The following CDC42EP3 variants were observed in gnomAD, a reference collection of about 807,000 sequenced individuals.
CDC42EP3 encodes CDC42 effector protein 3.
CDC42EP3 carries 4 observed loss-of-function variants against 15.5 expected under a neutral mutation model. The ratio of observed to expected loss-of-function variants is 0.26; its 90% confidence interval spans 0.13 to 0.59. CDC42EP3 has a LOEUF of 0.59. Among genes scored for constraint, CDC42EP3 ranks in the 20% least tolerant of loss-of-function variants. The pLI, the probability that CDC42EP3 is intolerant of heterozygous loss-of-function variation, is 0.89. For synonymous variants in CDC42EP3, 145 were observed against 130.3 expected (o/e 1.11, Z -0.77); for missense variants, 309 against 311.2 (o/e 0.99, Z 0.05).
intron 1 of CDC42EP3, among the ~76,000 whole-genome samples, chr2:37,650,016 A>C (rs1665614171): frequency 6.6e-6 from 1 of 151,482 alleles, no homozygotes; most frequent in South Asian, 2.1e-4. Flanking sequence ...ATTGAATCTG[A>C]ATTGCCAATC....
At chr2:37,647,850 A>T (rs1410332300) in intron 1 of CDC42EP3, among the ~76,000 whole-genome samples, 5 of 152,170 alleles carry the variant, frequency 3.3e-5, no homozygotes, top group Non-Finnish European at 7.3e-5. Flanking sequence ...GGGCCTATGG[A>T]AATGAAATCT....
At chr2:37,662,752 A>C (rs1030168251) in intron 1 of CDC42EP3, among the ~76,000 whole-genome samples, 34 of 152,204 alleles carry the variant, frequency 2.2e-4, no homozygotes, top group African/African-American at 8.2e-4. Flanking sequence ...ACTCTTTAGG[A>C]AGACATTTCA....
intron 1 of CDC42EP3, among the ~76,000 whole-genome samples, chr2:37,658,004 C>T (rs1665934188): frequency 6.6e-6 from 1 of 152,210 alleles, no homozygotes; most frequent in African/African-American, 2.4e-5. Context: ...GTATGTTGCT[C>T]TCAAAGCCCA....
chr2:37,645,043 C>T lies in CDC42EP3; in HGVS notation c.*780G>A, dbSNP rs1665405798. On this transcript the variant is annotated 3_prime_UTR_variant, in exon 2 of 2. Transcript: ENST00000295324. ...ATGATAACAGATGAAGAAAAAAAAACTAAGTATGAATACACTTTTCCAAAC... is the reference window on the plus strand; with the variant it reads ...ATGATAACAGATGAAGAAAAAAAAATTAAGTATGAATACACTTTTCCAAAC... The T allele has an allele frequency of 6.6e-6, 1 of 151,972 alleles. No individual in the cohort carries two copies. Among genetic ancestry groups the T allele is most frequent in the South Asian group, 2.1e-4 (1 of 4,830 alleles). The allele number at this position is 151,972 out of a possible 1,614,324, so 9.4% of individuals were successfully genotyped here.
In CDC42EP3 at chr2:37,645,197, T is replaced by C. The variant is rs1665410816; in HGVS notation, c.*626A>G. ...TAAAAATATATTTTAACTTTAAAAA[T>C]AACTTAGTTACAGTAATACTTTGCC... On this transcript the variant is annotated 3_prime_UTR_variant, in exon 2 of 2. Coordinates refer to ENST00000295324, the MANE Select transcript of CDC42EP3 (RefSeq NM_006449.5). 6.6e-6 allele frequency: 1 copy of C among 152,620 alleles called. No homozygotes were observed. Among genetic ancestry groups the C allele is most frequent in the Non-Finnish European group, 1.5e-5 (1 of 68,040 alleles). 9.5% of individuals were successfully genotyped at this position (152,620 alleles called of 1,614,324 possible). A position where few individuals can be genotyped will look rare whatever the true frequency, so the allele number is the denominator to read the frequency against.
chr2:37,646,339 C>A lies in CDC42EP3; in HGVS notation c.249G>T (p.Glu83Asp). 1 of 1,614,038 alleles carries A rather than the reference C, an allele frequency of 6.2e-7. No individual in the cohort carries two copies. The highest frequency in any genetic ancestry group is 1.3e-5 in the African/African-American group (1 of 75,002). Residue 83 changes from glutamate to aspartate, a missense_variant, in exon 2 of 2, where the codon GAG (glutamate) becomes GAT (aspartate). Glu to Asp is a conservative substitution (Grantham distance 45, BLOSUM62 2). Transcript: ENST00000295324. Reference sequence around the variant, plus strand: ...CCGAGGTGCTGTTGGCCCGGAAGAACTCATTATGCCCAGGGAACTGGCCCA... The same window carrying A: ...CCGAGGTGCTGTTGGCCCGGAAGAAATCATTATGCCCAGGGAACTGGCCCA... Reference protein sequence around the residue: ...AHLGQFPGHNEFFRANSTSDS... With the variant: ...AHLGQFPGHNDFFRANSTSDS...
At chr2:37,663,833 A>G (rs1022238274) in intron 1 of CDC42EP3, among the ~76,000 whole-genome samples, 2 of 152,132 alleles carry the variant, frequency 1.3e-5, no homozygotes, top group Non-Finnish European at 2.9e-5. Context: ...CCCATCCTCA[A>G]TCTGGGTGGG....
chr2:37,643,230 C>T lies in CDC42EP3; in HGVS notation c.*2593G>A, dbSNP rs1167237438. ...ACAGGATGAGAACATCAATTCAGCTCACAGCAGGTATGGGTCTAAAGTGCC... is the reference window on the plus strand; with the variant it reads ...ACAGGATGAGAACATCAATTCAGCTTACAGCAGGTATGGGTCTAAAGTGCC... On this transcript the variant is annotated 3_prime_UTR_variant, in exon 2 of 2. Transcript: ENST00000295324. The T allele has an allele frequency of 6.6e-6, 1 of 152,132 alleles. No homozygotes were observed. Among genetic ancestry groups the T allele is most frequent in the Non-Finnish European group, 1.5e-5 (1 of 68,036 alleles). 9.4% of individuals were successfully genotyped at this position (152,132 alleles called of 1,614,324 possible).
At chr2:37,656,964 T>C (rs924394469) in intron 1 of CDC42EP3, among the ~76,000 whole-genome samples, 2 of 143,704 alleles carry the variant, frequency 1.4e-5, no homozygotes, top group Non-Finnish European at 3.0e-5. Context: ...AAGATTTGAA[T>C]TGTAAAGTAA....
intron 1 of CDC42EP3, among the ~76,000 whole-genome samples, chr2:37,670,523 C>G (rs1666377542): frequency 6.8e-6 from 1 of 147,836 alleles, no homozygotes; most frequent in Admixed American, 6.8e-5. Context: ...AATTACTTGA[C>G]TGTCAGCCTA....
In CDC42EP3 at chr2:37,646,482, C is replaced by T. The variant is rs753477882; in HGVS notation, c.106G>A (p.Gly36Arg). Residue 36 changes from glycine to arginine, a missense_variant, in exon 2 of 2, where the codon GGA becomes AGA. Gly to Arg is a moderately radical substitution (Grantham distance 125). Coordinates refer to ENST00000295324, the MANE Select transcript of CDC42EP3 (RefSeq NM_006449.5). ...ATGTGGATGGTGTGGCGAAAGTCTC[C>T]AAGCGGGGGACTGATCATATCAGGA... is the stretch of plus-strand genomic sequence containing the variant. ...LSPDMISPPL[G>R]DFRHTIHIGK... 6.2e-7 allele frequency: 1 copy of T among 1,614,072 alleles called. No homozygotes were observed. The highest frequency in any genetic ancestry group is 8.5e-7 in the Non-Finnish European group (1 of 1,179,966).
intron 1 of CDC42EP3, among the ~76,000 whole-genome samples, chr2:37,649,800 G>A (rs1665608283): frequency 6.6e-6 from 1 of 152,146 alleles, no homozygotes; most frequent in Non-Finnish European, 1.5e-5. Flanking sequence ...GTGGCATGGA[G>A]GCAAAGGTTG....
At chr2:37,660,889 AG>A (rs1201888875) in intron 1 of CDC42EP3, among the ~76,000 whole-genome samples, 2 of 152,138 alleles carry the variant, frequency 1.3e-5, no homozygotes, top group Non-Finnish European at 2.9e-5. Context: ...ACCCTGTCAA[AG>A]GGAAATGGAA....
chr2:37,651,971 A>T (rs916136081), intron 1 of CDC42EP3, among the ~76,000 whole-genome samples: 13 of 151,858 alleles, frequency 8.6e-5, no homozygotes, highest in Non-Finnish European at 1.6e-4. Flanking sequence ...ATCAGGAGAT[A>T]AAGACCATCC....
rs369773288 is a variant in CDC42EP3 at position 37,646,115 on chromosome 2, C to T, written c.473G>A (p.Ser158Asn). 7.2e-5 allele frequency: 116 copies of T among 1,614,112 alleles called. No homozygotes were observed. Among genetic ancestry groups the T allele is most frequent in the Non-Finnish European group, 9.2e-5 (109 of 1,180,056 alleles). The change falls in exon 2 of 2, where the codon AGT (serine) becomes AAT (asparagine). Residue 158 changes from serine to asparagine, a missense_variant. By Grantham distance (46) the Ser-to-Asn change is conservative. Transcript: ENST00000295324. ...GTGGACTGTCCCATTCTCCAACAGACTGCTTTTCTCCTGAGCTTTTTCCTC... is the reference window on the plus strand; with the variant it reads ...GTGGACTGTCCCATTCTCCAACAGATTGCTTTTCTCCTGAGCTTTTTCCTC... ...VMEEKAQEKS[S>N]LLENGTVHQG...
upstream of CDC42EP3, chr2:37,671,818 C>CA (rs1553318862): frequency 0.033 from 610 of 18,418 alleles, 8 homozygotes; most frequent in Admixed American, 0.047. Context: ...CGGGCGCGCG[C>CA]GCGGGGGGGG....
intron 1 of CDC42EP3, among the ~76,000 whole-genome samples, chr2:37,661,653 C>T (rs892315180): frequency 3.9e-5 from 6 of 152,080 alleles, no homozygotes; most frequent in Non-Finnish European, 4.4e-5. Context: ...ATAAACTGGA[C>T]GGCAAGGCTA....
intron 1 of CDC42EP3, among the ~76,000 whole-genome samples, chr2:37,662,976 C>A (rs1666117415): frequency 6.6e-6 from 1 of 152,174 alleles, no homozygotes; most frequent in African/African-American, 2.4e-5. Context: ...ACCAGTCTGG[C>A]CAACACGGTG....
upstream of CDC42EP3, chr2:37,671,901 T>G (rs1465699401): frequency 6.6e-6 from 1 of 151,940 alleles, no homozygotes; most frequent in Non-Finnish European, 1.5e-5. Context: ...AGTAGGCGAC[T>G]TCTCTCGGAG....
Sources: gnomAD v4.1 joint callset for allele counts (sites outside exome capture counted in the v4.1 genomes callset) on GRCh38, gnomAD v4.1.1 for gene constraint, MANE v1.5 for transcripts, NCBI Gene and HGNC (gene_info 2026-07-23, HGNC 2026-07-21) for gene names.